The following FMNL3 variants were observed in gnomAD, a reference collection of about 807,000 sequenced individuals.
The protein encoded by FMNL3 is formin-like protein 3.
A neutral mutation model predicts 119.6 loss-of-function variants in FMNL3; 57 were observed. The ratio of observed to expected loss-of-function variants is 0.48; its 90% CI spans 0.39 to 0.59. The LOEUF (loss-of-function observed/expected upper bound fraction) is 0.59, where lower values mean the gene tolerates loss of function less well. Ranked by LOEUF, FMNL3 falls within the 20% of genes least tolerant of loss-of-function variation. FMNL3 has a pLI of 0.00. For missense variants in FMNL3, 1,053 were observed against 1,323.5 expected, an observed-to-expected ratio of 0.80 and a Z score of 3.17; for synonymous variants, 491 against 507.3, an observed-to-expected ratio of 0.97 and a Z score of 0.43.
intron 1 of FMNL3, 33 bp from the exon 2 acceptor site, chr12:49,668,587 A>G: frequency 2.5e-6 from 4 of 1,592,646 alleles, no homozygotes; most frequent in Non-Finnish European, 3.4e-6. Flanking sequence ...CAAGGCTGAA[A>G]CCTCCCCTCA....
chr12:49,675,314 T>C (rs190822597), intron 1 of FMNL3, among the ~76,000 whole-genome samples: 1 of 152,320 alleles, frequency 6.6e-6, no homozygotes, highest in East Asian at 1.9e-4. Flanking sequence ...CGGCCCCTCC[T>C]CGTGGTTAGC....
chr12:49,698,653 G>A (rs1050256702), intron 1 of FMNL3, among the ~76,000 whole-genome samples: 2 of 152,144 alleles, frequency 1.3e-5, no homozygotes, highest in African/African-American at 2.4e-5. Flanking sequence ...TCTAAAAGAG[G>A]AAAAGAGAAG....
intron 7 of FMNL3, 24 bp downstream of exon 7, chr12:49,657,058 C>G (rs949619705): frequency 3.1e-5 from 49 of 1,603,200 alleles, no homozygotes; most frequent in Middle Eastern, 1.6e-4. Flanking sequence ...AGTAGAGCAC[C>G]TATGGCTAGT....
Position 49,644,488 on chromosome 12 carries a change from AAG to A in FMNL3, c.*1325_*1326del, listed in dbSNP as rs756361376. 6.7e-5 allele frequency: 28 copies of A among 415,294 alleles called. No homozygotes were observed. The highest frequency in any genetic ancestry group is 2.2e-4 in the African/African-American group (11 of 49,620). 25.7% of individuals were successfully genotyped at this position (415,294 alleles called of 1,614,324 possible). ...AGTGTGAGAGAAGGGGTCTCCAGGG[AAG>A]AGTCACAGGCTGTTGGACGCAGCCT... On this transcript the variant is annotated 3_prime_UTR_variant, in exon 26 of 26. Coordinates refer to ENST00000335154, the MANE Select transcript of FMNL3 (RefSeq NM_175736.5).
In FMNL3 at chr12:49,653,776, G is replaced by A; in HGVS notation, c.1170C>T (p.Thr390=). 1.2e-6 allele frequency: 2 copies of A among 1,614,142 alleles called. No individual in the cohort carries two copies. The highest frequency in any genetic ancestry group is 1.7e-6 in the Non-Finnish European group (2 of 1,180,030). ...DVGGLLEDAE[T]KNVALEKVEE... ...CCACCTTCTCCAGGGCTACATTCTT[G>A]GTCTCAGCATCCTCCAACAAACCCC... The change falls in exon 12 of 26, where the codon ACC becomes ACT. Residue 390 remains threonine, a synonymous_variant. Transcript: ENST00000335154.
Position 49,697,169 on chromosome 12 carries a change from G to A in FMNL3, c.126+9886C>T, listed in dbSNP as rs996389464. On this transcript the variant is annotated intron_variant, in intron 1 of 25. Coordinates refer to ENST00000335154, the MANE Select transcript of FMNL3 (RefSeq NM_175736.5). ...AACTTTTACTCTGGCTTGAGTAACT[G>A]ACCAGGGGGTGAGTGTAGTATGTAC... 3.9e-5 allele frequency among the ~76,000 whole-genome samples: 6 copies of A among 152,188 alleles called. No homozygotes were observed. The South Asian group carries it at 1.2e-3, about 32-fold the overall frequency.
chr12:49,651,418 C>T lies in FMNL3; in HGVS notation c.1636G>A (p.Ala546Thr), dbSNP rs774857037. 1 of 1,510,150 alleles carries T rather than the reference C, an allele frequency of 6.6e-7. No individual in the cohort carries two copies. Among genetic ancestry groups the T allele is most frequent in the Non-Finnish European group, 8.9e-7 (1 of 1,125,654 alleles). 93.5% of individuals were successfully genotyped at this position (1,510,150 alleles called of 1,614,324 possible). ...KCPPAPPLPG[A>T]APSVVLTVGL... is the part of the protein sequence containing the mutation. ...ACTGTCAACACCACAGAGGGTGCAGCACCAGGGAGAGGTGGGGCTGGGGGA... is the reference window on the plus strand; with the variant it reads ...ACTGTCAACACCACAGAGGGTGCAGTACCAGGGAGAGGTGGGGCTGGGGGA... The change falls in exon 15 of 26, where the codon GCT (alanine) becomes ACT (threonine). Residue 546 changes from alanine (A) to threonine (T), a missense_variant. Ala to Thr is a moderately conservative substitution (Grantham distance 58, BLOSUM62 0). This residue lies in a region of FMNL3 where 445 missense variants were observed against 628.4 expected (regional missense o/e 0.71). Transcript: ENST00000335154.
In FMNL3 at chr12:49,647,321, C is replaced by G; in HGVS notation, c.2826G>C (p.Met942Ile). The part of the protein sequence containing the change: ...NEARKKQEEV[M>I]REKQLAQEAK... ...CTTCCTGAGCCAGCTGCTTCTCCCG[C>G]ATTACCTCCTCCTGCTTCTTGCGGG... The change falls in exon 24 of 26, where the codon ATG becomes ATC. Residue 942 changes from methionine to isoleucine, a missense_variant. Physicochemically the swap from Met to Ile is conservative, Grantham distance 10. Coordinates refer to ENST00000335154, the MANE Select transcript of FMNL3 (RefSeq NM_175736.5). The surrounding 1 kb of genome is among the most constrained non-coding windows in gnomAD (Gnocchi z 4.9). 6.2e-7 allele frequency: 1 copy of G among 1,613,992 alleles called. No homozygotes were observed. Among genetic ancestry groups the G allele is most frequent in the Non-Finnish European group, 8.5e-7 (1 of 1,180,012 alleles).
chr12:49,650,715 G>T lies in FMNL3; in HGVS notation c.1961C>A (p.Ala654Asp). 1 of 1,614,046 alleles carries T rather than the reference G, an allele frequency of 6.2e-7. No homozygotes were observed. The highest frequency in any genetic ancestry group is 8.5e-7 in the Non-Finnish European group (1 of 1,180,036). ...GCAGATCTCCTCAGCCGAGCGGCCA[G>T]CCTTGCGTAGGGTGATGGCCAGGTT... ...AKNLAITLRK[A>D]GRSAEEICRA... Residue 654 changes from alanine to aspartate, a missense_variant, in exon 17 of 26, where the codon GCT becomes GAT. Ala to Asp is a moderately radical substitution (Grantham distance 126). Around this residue, in one of 4 missense-constraint regions of FMNL3, gnomAD observed 445 missense variants for 628.4 expected, o/e 0.71. Transcript: ENST00000335154.
At chr12:49,654,139 C>G in intron 11 of FMNL3, 53 bp downstream of exon 11, 1 of 1,513,280 alleles carries the variant, frequency 6.6e-7, no homozygotes, top group Non-Finnish European at 9.2e-7. Flanking sequence ...ATTTGTGATA[C>G]GGCTAAACTG....
At chr12:49,703,054 G>C (rs1333503933) in intron 1 of FMNL3, among the ~76,000 whole-genome samples, 1 of 152,130 alleles carries the variant, frequency 6.6e-6, no homozygotes, top group East Asian at 1.9e-4. Context: ...CTGCAGCAGG[G>C]ATAGCTCCTG....
At chr12:49,648,490 G>C in intron 21 of FMNL3, 137 bp from the exon 22 acceptor site, 1 of 875,468 alleles carries the variant, frequency 1.1e-6, no homozygotes, top group South Asian at 2.2e-5. Context: ...ACATAAGGAA[G>C]TACACACCAA....
rs1413598598 is a variant in FMNL3 at position 49,636,947 on chromosome 12, T to A, written c.*8868A>T. The A allele has an allele frequency of 1.3e-6, 2 of 1,560,612 alleles. No individual in the cohort carries two copies. Among genetic ancestry groups the A allele is most frequent in the African/African-American group, 2.7e-5 (2 of 74,240 alleles). ...CCCCTTCTGGATACGCTGCCTGTTC[T>A]TTCTGTGCCTAGCCCTGTCCAAGCT... On this transcript the variant is annotated 3_prime_UTR_variant, in exon 26 of 26. Transcript: ENST00000335154.
rs2138560581 is a variant in FMNL3 at position 49,637,882 on chromosome 12, A to G, written c.*7933T>C. ...GATGGATGCAGGGCACACTCCCTGC[A>G]GAGGACTCCCTGATAAGTCCTGTTT... On this transcript the variant is annotated 3_prime_UTR_variant, in exon 26 of 26. Coordinates refer to ENST00000335154, the MANE Select transcript of FMNL3 (RefSeq NM_175736.5). The G allele has an allele frequency of 7.1e-7, 1 of 1,410,908 alleles. No individual in the cohort carries two copies. The allele number at this position is 1,410,908 out of a possible 1,614,324, so 87.4% of individuals were successfully genotyped here.
chr12:49,663,969 C>A (rs1943813497), intron 4 of FMNL3, among the ~76,000 whole-genome samples: 1 of 152,072 alleles, frequency 6.6e-6, no homozygotes, highest in South Asian at 2.1e-4. Flanking sequence ...GCCAGGCAGG[C>A]CAGGCACGGT....
chr12:49,649,595 G>C lies in FMNL3; in HGVS notation c.2236-57C>G. 6.2e-7 allele frequency: 1 copy of C among 1,612,670 alleles called. No individual in the cohort carries two copies. Among genetic ancestry groups the C allele is most frequent in the Non-Finnish European group, 8.5e-7 (1 of 1,178,728 alleles). On this transcript the variant is annotated intron_variant, in intron 18 of 25. Transcript: ENST00000335154. This position sits in a 1 kb window ranked among gnomAD's most constrained non-coding sequence, Gnocchi z 5.6. Reference sequence around the variant, plus strand: ...CAGGCTGAGATGGGGTAAAGACAGGGAGGGGTCAGAAGGACTGGAAGGGCA... The same window carrying C: ...CAGGCTGAGATGGGGTAAAGACAGGCAGGGGTCAGAAGGACTGGAAGGGCA...
At chr12:49,686,161 G>A (rs968553253) in intron 1 of FMNL3, among the ~76,000 whole-genome samples, 1 of 151,988 alleles carries the variant, frequency 6.6e-6, no homozygotes, top group Non-Finnish European at 1.5e-5. Context: ...AGGCTGGAGT[G>A]CAGTGGCATG....
At chr12:49,670,563 G>T (rs921471493) in intron 1 of FMNL3, among the ~76,000 whole-genome samples, 10 of 152,094 alleles carry the variant, frequency 6.6e-5, no homozygotes, top group Non-Finnish European at 2.9e-5. Context: ...ATTTATACAT[G>T]GAAGAATTTA....
At chr12:49,667,802 G>T (rs1943932313) in intron 2 of FMNL3, among the ~76,000 whole-genome samples, 2 of 152,134 alleles carry the variant, frequency 1.3e-5, no homozygotes, top group Non-Finnish European at 1.5e-5. Context: ...TACCCACACT[G>T]CCAGATACTT....
Sources: allele counts gnomAD v4.1 joint callset (sites outside exome capture counted in the v4.1 genomes callset), GRCh38; gene constraint gnomAD v4.1.1; regional missense constraint gnomAD v4.1.1; non-coding constraint Gnocchi (gnomAD v3.1); transcripts MANE v1.5; gene names NCBI Gene and HGNC (gene_info 2026-07-23, HGNC 2026-07-21).